The following KCNIP4 variants were observed in gnomAD, a reference collection of about 807,000 sequenced individuals.
The protein encoded by KCNIP4 is Kv channel-interacting protein 4.
In KCNIP4, 12 loss-of-function variants were observed where a neutral mutation model predicts 34.0. The observed-to-expected ratio is 0.35, with a 90% CI of 0.23 to 0.57. The LOEUF (loss-of-function observed/expected upper bound fraction) is 0.57. Among genes scored for constraint, KCNIP4 ranks in the 20% least tolerant of loss-of-function variants. KCNIP4 has a pLI of 0.83. For missense variants in KCNIP4, 238 were observed against 311.7 expected (o/e 0.76, Z 1.78); for synonymous variants, 124 against 102.2 (o/e 1.21, Z -1.29).
intron 1 of KCNIP4, among the ~76,000 whole-genome samples, chr4:21,317,797 A>G (rs1205698620): frequency 6.6e-6 from 1 of 152,142 alleles, no homozygotes; most frequent in African/African-American, 2.4e-5. Flanking sequence ...TTCTCATGAT[A>G]GTGAATAAGT....
At chr4:21,044,037 G>T (rs1742200930) in intron 1 of KCNIP4, among the ~76,000 whole-genome samples, 1 of 152,030 alleles carries the variant, frequency 6.6e-6, no homozygotes, top group African/African-American at 2.4e-5. Context: ...CTACTCCAGG[G>T]TCCTGGAGGC....
chr4:21,084,031 T>G (rs951686741), intron 1 of KCNIP4, among the ~76,000 whole-genome samples: 1 of 151,890 alleles, frequency 6.6e-6, no homozygotes, highest in Non-Finnish European at 1.5e-5. Flanking sequence ...TGCTGAGATA[T>G]AGCCTACATT....
chr4:21,832,153 C>A (rs1421515951), intron 1 of KCNIP4, among the ~76,000 whole-genome samples: 5 of 152,108 alleles, frequency 3.3e-5, no homozygotes, highest in Non-Finnish European at 7.4e-5. Context: ...ATAATTCTTT[C>A]ATAGATGCAA....
intron 1 of KCNIP4, among the ~76,000 whole-genome samples, chr4:21,233,485 C>T (rs776355862): frequency 1.1e-4 from 16 of 151,684 alleles, no homozygotes; most frequent in Non-Finnish European, 2.2e-4. Context: ...AGAATTGTTG[C>T]CAGGGAAAAG....
intron 1 of KCNIP4, among the ~76,000 whole-genome samples, chr4:21,545,657 A>G (rs1577571011): frequency 1.3e-5 from 2 of 152,128 alleles, no homozygotes; most frequent in African/African-American, 4.8e-5. Flanking sequence ...TTCCTGTGTT[A>G]GTTTGCTGAG....
intron 1 of KCNIP4, among the ~76,000 whole-genome samples, chr4:20,923,381 T>G (rs1729592162): frequency 6.6e-6 from 1 of 152,212 alleles, no homozygotes; most frequent in African/African-American, 2.4e-5. Flanking sequence ...CATTTTCTTG[T>G]CATTTTTTTC....
At chr4:20,959,501 A>T (rs1462901974) in intron 1 of KCNIP4, among the ~76,000 whole-genome samples, 1 of 152,114 alleles carries the variant, frequency 6.6e-6, no homozygotes, top group East Asian at 1.9e-4. Flanking sequence ...CACAGAGGAG[A>T]CTGATTATTA....
chr4:21,765,416 G>C (rs1020991502), intron 1 of KCNIP4, among the ~76,000 whole-genome samples: 1 of 152,022 alleles, frequency 6.6e-6, no homozygotes, highest in Non-Finnish European at 1.5e-5. Context: ...GTGTAACTGT[G>C]TGCGCATGTG....
chr4:21,104,674 G>A (rs1407556187), intron 1 of KCNIP4, among the ~76,000 whole-genome samples: 2 of 149,634 alleles, frequency 1.3e-5, no homozygotes, highest in Non-Finnish European at 2.9e-5. Flanking sequence ...TTGCCCATGT[G>A]TATGTCCTGA....
chr4:20,840,569 T>C (rs2149470594), intron 3 of KCNIP4, among the ~76,000 whole-genome samples: 1 of 152,224 alleles, frequency 6.6e-6, no homozygotes, highest in African/African-American at 2.4e-5. Context: ...TGCTCTCAAC[T>C]GAGGACCAGA....
At chr4:21,023,440 A>G (rs1480780054) in intron 1 of KCNIP4, among the ~76,000 whole-genome samples, 1 of 152,210 alleles carries the variant, frequency 6.6e-6, no homozygotes, top group South Asian at 2.1e-4. Context: ...TAGGACTTTT[A>G]TCCAAAATAT....
At chr4:21,080,877 C>A (rs1206636883) in intron 1 of KCNIP4, among the ~76,000 whole-genome samples, 5 of 151,752 alleles carry the variant, frequency 3.3e-5, no homozygotes, top group African/African-American at 9.7e-5. Flanking sequence ...GGGCAACACT[C>A]TACAGAAAGA....
rs1746951344 is a variant in KCNIP4, at chr4:20,729,009, T to TAGTTGTCA, written c.*1065_*1072dup. ...CTTATTTTCTACTAAATCTTGGTAG[T>TAGTTGTCA]AGTTGTCAATGTAATGGAACCACTG... On this transcript the variant is annotated 3_prime_UTR_variant, in exon 9 of 9. Transcript: ENST00000382152. 1 of 152,326 alleles carries TAGTTGTCA rather than the reference T, an allele frequency of 6.6e-6. No homozygotes were observed. The allele number at this position is 152,326 out of a possible 1,614,324, so 9.4% of individuals were successfully genotyped here. A position where few individuals can be genotyped will look rare whatever the true frequency, so the allele number is the denominator to read the frequency against.
chr4:21,151,232 A>C (rs1226310299), intron 1 of KCNIP4, among the ~76,000 whole-genome samples: 1 of 152,100 alleles, frequency 6.6e-6, no homozygotes, highest in Admixed American at 6.5e-5. Context: ...TGATATCATC[A>C]ATCGAGTCCT....
intron 1 of KCNIP4, among the ~76,000 whole-genome samples, chr4:21,781,222 C>T (rs935694235): frequency 8.5e-5 from 13 of 152,234 alleles, no homozygotes; most frequent in African/African-American, 3.1e-4. Context: ...TTATAAGCGT[C>T]TGGCATTTCC....
intron 1 of KCNIP4, among the ~76,000 whole-genome samples, chr4:21,874,727 A>G (rs1370577083): frequency 1.3e-5 from 2 of 152,138 alleles, no homozygotes; most frequent in Non-Finnish European, 2.9e-5. Flanking sequence ...CCTCTCTTCA[A>G]TCACCCTATT....
chr4:21,762,468 A>G (rs1718124144), intron 1 of KCNIP4, among the ~76,000 whole-genome samples: 1 of 152,024 alleles, frequency 6.6e-6, no homozygotes, highest in African/African-American at 2.4e-5. Flanking sequence ...CTTATTTTAT[A>G]TTTTCCCCAT....
At chr4:21,014,962 A>G (rs1447777677) in intron 1 of KCNIP4, among the ~76,000 whole-genome samples, 1 of 152,192 alleles carries the variant, frequency 6.6e-6, no homozygotes, top group Admixed American at 6.6e-5. Flanking sequence ...GACATATGCT[A>G]TGGCATTGAT....
chr4:21,922,347 T>C (rs2108996848), intron 1 of KCNIP4, among the ~76,000 whole-genome samples: 1 of 152,284 alleles, frequency 6.6e-6, no homozygotes, highest in South Asian at 2.1e-4. Context: ...GACTTTGTCA[T>C]TGCTGTGTGC....
Sources: gnomAD v4.1 joint callset for allele counts (sites outside exome capture counted in the v4.1 genomes callset) on GRCh38, gnomAD v4.1.1 for gene constraint, MANE v1.5 for transcripts, NCBI Gene and HGNC (gene_info 2026-07-23, HGNC 2026-07-21) for gene names.